Variants in SPTBN1 observed in about 807,000 individuals in gnomAD.
SPTBN1 encodes spectrin beta chain, non-erythrocytic 1.
A neutral mutation model predicts 266.4 loss-of-function variants in SPTBN1; 32 were observed. The observed-to-expected ratio is 0.12, with a 90% CI of 0.09 to 0.16. SPTBN1 has a LOEUF of 0.16. SPTBN1 is among the 10% of genes least tolerant of loss of function. The probability of loss-of-function intolerance (pLI) is 1.00; values close to 1 mark genes in which losing one functional copy is unlikely to be tolerated. For missense variants in SPTBN1, 2,296 were observed against 3,067.1 expected, an observed-to-expected ratio of 0.75 and a Z score of 5.94; for synonymous variants, 1,336 against 1,162.2, an observed-to-expected ratio of 1.15 and a Z score of -3.04.
intron 18 of SPTBN1, among the ~76,000 whole-genome samples, chr2:54,642,053 A>T (rs187850890): frequency 6.6e-6 from 1 of 152,192 alleles, no homozygotes; most frequent in Non-Finnish European, 1.5e-5. Context: ...CTGGCTCTGC[A>T]TTCTTTTGTG....
chr2:54,515,129 A>G (rs763881089), intron 1 of SPTBN1, among the ~76,000 whole-genome samples: 2 of 152,136 alleles, frequency 1.3e-5, no homozygotes, highest in Non-Finnish European at 2.9e-5. Flanking sequence ...AGATGGATAA[A>G]CTGGCTTATC....
intron 2 of SPTBN1, among the ~76,000 whole-genome samples, chr2:54,534,187 G>A (rs1277920486): frequency 6.6e-6 from 1 of 152,100 alleles, no homozygotes; most frequent in Non-Finnish European, 1.5e-5. Context: ...ATCATGTTAG[G>A]GCTCTTCTTG....
intron 1 of SPTBN1, among the ~76,000 whole-genome samples, chr2:54,506,894 C>CTTTTTTTTTTTT (rs779582626): frequency 7.5e-6 from 1 of 133,504 alleles, no homozygotes; most frequent in Non-Finnish European, 1.6e-5. Context: ...GGTTCTCTCT[C>CTTTTTTTTTTTT]TTTTTTTTTT....
At chr2:54,462,979 A>G (rs982454502) in intron 1 of SPTBN1, among the ~76,000 whole-genome samples, 36 of 152,220 alleles carry the variant, frequency 2.4e-4, no homozygotes, top group Admixed American at 1.1e-3. Context: ...GCTCCTGTAC[A>G]CTTCTAAATT....
At chr2:54,478,330 GT>G (rs1249760942) in intron 1 of SPTBN1, among the ~76,000 whole-genome samples, 2 of 151,992 alleles carry the variant, frequency 1.3e-5, no homozygotes, top group Non-Finnish European at 1.5e-5. Context: ...AGAGAGGATT[GT>G]TTTTTTTCCT....
At chr2:54,661,130 C>T (rs1370218058) in intron 32 of SPTBN1, 2 of 985,264 alleles carry the variant, frequency 2.0e-6, no homozygotes, top group African/African-American at 1.7e-5. Flanking sequence ...ATTCATTGTT[C>T]ATTTTCTCAA....
Position 54,645,167 on chromosome 2 carries a change from T to C in SPTBN1, c.4270-62T>C. ...AAGTCCCAGGCCCAGCAGTTCTGCTTAGAGCCAGTCACTGCAAAAGATAGT... is the reference window on the plus strand; with the variant it reads ...AAGTCCCAGGCCCAGCAGTTCTGCTCAGAGCCAGTCACTGCAAAAGATAGT... On this transcript the variant is annotated intron_variant, in intron 20 of 35. Transcript: ENST00000356805. The surrounding 1 kb of genome is among the most constrained non-coding windows in gnomAD (Gnocchi z 4.3). 1 of 1,577,492 alleles carries C rather than the reference T, an allele frequency of 6.3e-7. No individual in the cohort carries two copies. The highest frequency in any genetic ancestry group is 8.7e-7 in the Non-Finnish European group (1 of 1,149,928).
chr2:54,624,926 G>T lies in SPTBN1; in HGVS notation c.1305G>T (p.Glu435Asp). The change falls in exon 11 of 36, where the codon GAG becomes GAT. Residue 435 changes from glutamate (E) to aspartate (D), a missense_variant. Coordinates refer to ENST00000356805, the MANE Select transcript of SPTBN1 (RefSeq NM_003128.3). Reference sequence around the variant, plus strand: ...TTGATCGCAAGGCAGCTATGAGGGAGACTTGGCTGAGCGAAAACCAGCGTC... The same window carrying T: ...TTGATCGCAAGGCAGCTATGAGGGATACTTGGCTGAGCGAAAACCAGCGTC... ...RRFDRKAAMRETWLSENQRLV... is the reference protein window; with the variant it reads ...RRFDRKAAMRDTWLSENQRLV... 1 of 1,609,832 alleles carries T rather than the reference G, an allele frequency of 6.2e-7. No individual in the cohort carries two copies. Among genetic ancestry groups the T allele is most frequent in the Non-Finnish European group, 8.5e-7 (1 of 1,178,094 alleles).
intron 11 of SPTBN1, 133 bp downstream of exon 11, chr2:54,625,095 G>T: frequency 9.6e-7 from 1 of 1,040,190 alleles, no homozygotes; most frequent in Non-Finnish European, 1.4e-6. Flanking sequence ...AGGTCACCTT[G>T]GCCCCTTCCC....
chr2:54,526,458 A>G lies in SPTBN1; in HGVS notation c.40A>G (p.Ile14Val), dbSNP rs1670822388. 1 of 1,614,088 alleles carries G rather than the reference A, an allele frequency of 6.2e-7. No individual in the cohort carries two copies. The highest frequency in any genetic ancestry group is 1.3e-5 in the African/African-American group (1 of 74,936). The change falls in exon 2 of 36, where the codon ATC becomes GTC. Residue 14 changes from isoleucine to valine, a missense_variant. Coordinates refer to ENST00000356805, the MANE Select transcript of SPTBN1 (RefSeq NM_003128.3). ...AGCCACAGACTATGACAACATTGAG[A>G]TCCAGCAGCAGTACAGTGATGTCAA... Reference protein sequence around the residue: ...TVATDYDNIEIQQQYSDVNNR... With the variant: ...TVATDYDNIEVQQQYSDVNNR...
At chr2:54,523,808 ACT>A (rs1266551305) in intron 1 of SPTBN1, among the ~76,000 whole-genome samples, 1 of 152,134 alleles carries the variant, frequency 6.6e-6, no homozygotes, top group Admixed American at 6.5e-5. Flanking sequence ...AGGCCTGCTG[ACT>A]CTGGCCTAGG....
chr2:54,470,865 C>T (rs1693884690), intron 1 of SPTBN1, among the ~76,000 whole-genome samples: 2 of 152,162 alleles, frequency 1.3e-5, no homozygotes, highest in Non-Finnish European at 2.9e-5. Flanking sequence ...CTGAGATTAT[C>T]CTTTAGAACA....
intron 17 of SPTBN1, among the ~76,000 whole-genome samples, chr2:54,636,079 A>G (rs1679105763): frequency 6.6e-6 from 1 of 152,182 alleles, no homozygotes; most frequent in Non-Finnish European, 1.5e-5. Context: ...CCTTAATCCC[A>G]TCTGTAGCAT....
At chr2:54,584,497 T>C (rs1273862648) in intron 2 of SPTBN1, among the ~76,000 whole-genome samples, 2 of 152,130 alleles carry the variant, frequency 1.3e-5, no homozygotes, top group East Asian at 1.9e-4. Context: ...GTGAGTGTCC[T>C]AGTTTCTCCA....
Position 54,647,238 on chromosome 2 carries a change from G to C in SPTBN1, c.4974G>C (p.Leu1658=). ...VHQLSKTSRA[L]VADSHPESER... is the part of the protein sequence containing the mutation. ...AGCTCTCCAAGACCAGCCGGGCCCTGGTGGCCGACAGCCATCCTGAAAGGT... is the reference window on the plus strand; with the variant it reads ...AGCTCTCCAAGACCAGCCGGGCCCTCGTGGCCGACAGCCATCCTGAAAGGT... The change falls in exon 24 of 36, where the codon CTG becomes CTC. Residue 1658 remains leucine, a synonymous_variant. Coordinates refer to ENST00000356805, the MANE Select transcript of SPTBN1 (RefSeq NM_003128.3). 1 of 1,614,044 alleles carries C rather than the reference G, an allele frequency of 6.2e-7. No individual in the cohort carries two copies.
At chr2:54,584,020 G>T (rs1349605009) in intron 2 of SPTBN1, among the ~76,000 whole-genome samples, 1 of 152,196 alleles carries the variant, frequency 6.6e-6, no homozygotes, top group African/African-American at 2.4e-5. Flanking sequence ...CCTCCTGTCT[G>T]CTTCTACTCC....
intron 2 of SPTBN1, among the ~76,000 whole-genome samples, chr2:54,557,447 G>A (rs1476681312): frequency 6.6e-6 from 1 of 152,164 alleles, no homozygotes; most frequent in Non-Finnish European, 1.5e-5. Flanking sequence ...AATTTCCCAA[G>A]AATACATTTT....
chr2:54,483,223 A>G (rs1668187706), intron 1 of SPTBN1, among the ~76,000 whole-genome samples: 1 of 152,164 alleles, frequency 6.6e-6, no homozygotes, highest in South Asian at 2.1e-4. Context: ...GTGGGAAACA[A>G]GGACAGTGCT....
At chr2:54,602,332 C>G (rs1194814850) in intron 3 of SPTBN1, among the ~76,000 whole-genome samples, 1 of 152,146 alleles carries the variant, frequency 6.6e-6, no homozygotes, top group Non-Finnish European at 1.5e-5. Flanking sequence ...TAGAATGAGG[C>G]TTGAGGGGTG....
Sources: allele counts gnomAD v4.1 joint callset (sites outside exome capture counted in the v4.1 genomes callset), GRCh38; gene constraint gnomAD v4.1.1; non-coding constraint Gnocchi (gnomAD v3.1); transcripts MANE v1.5; gene names NCBI Gene and HGNC (gene_info 2026-07-23, HGNC 2026-07-21).